Variants in ADAMTS17 observed in about 807,000 individuals in gnomAD.
ADAMTS17 encodes A disintegrin and metalloproteinase with thrombospondin motifs 17.
ADAMTS17 carries 113 observed loss-of-function variants against 141.5 expected under a neutral mutation model. That is an observed-to-expected ratio of 0.80 (90% CI 0.69 to 0.93). The LOEUF (loss-of-function observed/expected upper bound fraction) is 0.93. Among genes scored for constraint, ADAMTS17 ranks in the 40% least tolerant of loss-of-function variants. ADAMTS17 has a pLI of 0.00. For missense variants in ADAMTS17, 1,659 were observed against 1,517.9 expected (o/e 1.09, Z -1.54); for synonymous variants, 768 against 630.6 (o/e 1.22, Z -3.27).
At position 99,974,580 on chromosome 15, in the gene ADAMTS17, A is replaced by C. The variant is rs1425851594; in HGVS notation, c.3128-18T>G. On this transcript the variant is annotated intron_variant, in intron 21 of 21. Transcript: ENST00000268070. ...CAGAGCAGCTAAGGGGATAGGAGAG[A>C]GAATACCCAGGGTCAGGGATGGCCT... 1.2e-6 allele frequency: 2 copies of C among 1,614,012 alleles called. No homozygotes were observed. The highest frequency in any genetic ancestry group is 2.7e-5 in the African/African-American group (2 of 74,946).
intron 7 of ADAMTS17, among the ~76,000 whole-genome samples, chr15:100,224,427 G>T (rs1046836079): frequency 8.5e-5 from 13 of 152,126 alleles, no homozygotes; most frequent in African/African-American, 3.1e-4. Flanking sequence ...TGCAGCAGAT[G>T]TTTACAAGGG....
Position 100,319,478 on chromosome 15 carries a change from A to C in ADAMTS17, c.616+11411T>G, listed in dbSNP as rs148757450. ...GTAATCCCAGCACTTAGGGAGGCCG[A>C]CGCAAGCAGATCTCAAGGTCAGGAG... On this transcript the variant is annotated intron_variant, in intron 3 of 21. Transcript: ENST00000268070. 4.8e-3 allele frequency among the ~76,000 whole-genome samples: 735 copies of C among 152,308 alleles called. 4 individuals carry two copies. Among genetic ancestry groups the C allele is most frequent in the African/African-American group, 0.017 (701 of 41,558 alleles).
intron 3 of ADAMTS17, among the ~76,000 whole-genome samples, chr15:100,300,893 T>C (rs907325992): frequency 6.6e-6 from 1 of 152,226 alleles, no homozygotes; most frequent in Non-Finnish European, 1.5e-5. Flanking sequence ...TCCCTTAATC[T>C]AAACCACAAT....
rs1390647727 is a variant in ADAMTS17, at chr15:99,973,043, GCCT to G, written c.*1356_*1358del. 1.3e-5 allele frequency: 2 copies of G among 152,144 alleles called. No individual in the cohort carries two copies. Among genetic ancestry groups the G allele is most frequent in the Non-Finnish European group, 1.5e-5 (1 of 68,052 alleles). The allele number at this position is 152,144 out of a possible 1,614,324, so 9.4% of individuals were successfully genotyped here. A position where few individuals can be genotyped will look rare whatever the true frequency, so the allele number is the denominator to read the frequency against. On this transcript the variant is annotated 3_prime_UTR_variant, in exon 22 of 22. Coordinates refer to ENST00000268070, the MANE Select transcript of ADAMTS17 (RefSeq NM_139057.4). ...CCCACCAAGTTGGTGAGCAAAACAG[GCCT>G]CCTGGCATCTAGGGTCCCTGCCCGG...
At chr15:100,093,159 A>G (rs954037518) in intron 15 of ADAMTS17, among the ~76,000 whole-genome samples, 2 of 152,140 alleles carry the variant, frequency 1.3e-5, no homozygotes, top group African/African-American at 4.8e-5. Context: ...TAAACGCCCT[A>G]CACTCAGGAT....
chr15:99,989,491 C>T (rs963433919), intron 20 of ADAMTS17, among the ~76,000 whole-genome samples: 1 of 152,242 alleles, frequency 6.6e-6, no homozygotes, highest in Non-Finnish European at 1.5e-5. Flanking sequence ...CAATGCTACC[C>T]TGCCTGTTAC....
intron 5 of ADAMTS17, among the ~76,000 whole-genome samples, chr15:100,262,124 G>A (rs1567448813): frequency 6.6e-6 from 1 of 152,158 alleles, no homozygotes; most frequent in Non-Finnish European, 1.5e-5. Context: ...CTCCGGGAGA[G>A]GTGGATGTGT....
At chr15:100,080,560 C>A (rs74595588) in intron 15 of ADAMTS17, among the ~76,000 whole-genome samples, 3 of 151,880 alleles carry the variant, frequency 2.0e-5, no homozygotes, top group East Asian at 3.9e-4. Flanking sequence ...AGAAAAAACC[C>A]ACGTCTTGCT....
intron 15 of ADAMTS17, among the ~76,000 whole-genome samples, chr15:100,085,910 C>T (rs2035069393): frequency 6.6e-6 from 1 of 152,108 alleles, no homozygotes; most frequent in Admixed American, 6.5e-5. Context: ...TTGTAAAGAC[C>T]ATCAAGGCTA....
At chr15:100,222,956 T>C (rs1299323586) in intron 7 of ADAMTS17, among the ~76,000 whole-genome samples, 2 of 152,204 alleles carry the variant, frequency 1.3e-5, no homozygotes, top group Admixed American at 6.5e-5. Flanking sequence ...AAGGGGTGTT[T>C]CCTGGGATTT....
At chr15:100,166,228 T>C (rs966451981) in intron 8 of ADAMTS17, among the ~76,000 whole-genome samples, 5 of 152,238 alleles carry the variant, frequency 3.3e-5, no homozygotes, top group African/African-American at 1.2e-4. Flanking sequence ...ATTGTAATGA[T>C]TGCTTGTACT....
intron 15 of ADAMTS17, among the ~76,000 whole-genome samples, chr15:100,089,074 T>A (rs2140983302): frequency 6.6e-6 from 1 of 151,876 alleles, no homozygotes; most frequent in East Asian, 1.9e-4. Context: ...GAGAGAAAAT[T>A]TTTGCAATCT....
At chr15:100,019,682 A>T (rs1270037022) in intron 18 of ADAMTS17, among the ~76,000 whole-genome samples, 2 of 152,224 alleles carry the variant, frequency 1.3e-5, no homozygotes, top group East Asian at 1.9e-4. Context: ...CTCCTGATTT[A>T]AAAATGTTGG....
At chr15:100,012,686 G>A (rs567454252) in intron 18 of ADAMTS17, among the ~76,000 whole-genome samples, 1 of 152,306 alleles carries the variant, frequency 6.6e-6, no homozygotes. Context: ...TCGAAGATCA[G>A]TTGGCTGTAA....
At chr15:100,111,092 T>C (rs530771947) in intron 13 of ADAMTS17, among the ~76,000 whole-genome samples, 2 of 152,188 alleles carry the variant, frequency 1.3e-5, no homozygotes, top group Non-Finnish European at 2.9e-5. Context: ...ACTGGAGATC[T>C]GAAGCCTCCC....
intron 3 of ADAMTS17, among the ~76,000 whole-genome samples, chr15:100,315,655 A>G (rs1033749595): frequency 3.3e-5 from 5 of 152,198 alleles, no homozygotes; most frequent in African/African-American, 9.6e-5. Context: ...AGGCAACACA[A>G]TGAGACCCCT....
At chr15:100,254,612 A>G (rs1172168901) in intron 6 of ADAMTS17, among the ~76,000 whole-genome samples, 1 of 152,238 alleles carries the variant, frequency 6.6e-6, no homozygotes, top group African/African-American at 2.4e-5. Context: ...TGCTTTCACA[A>G]GAAGACAACA....
chr15:100,262,770 C>T (rs114440773), intron 4 of ADAMTS17, among the ~76,000 whole-genome samples: 4,797 of 147,704 alleles, frequency 0.032, 265 homozygotes, highest in African/African-American at 0.11. Context: ...ATAGGTTGTA[C>T]TCTTCCAGTA....
chr15:100,011,562 A>T lies in ADAMTS17; in HGVS notation c.2592-13973T>A, dbSNP rs2061182910. On this transcript the variant is annotated intron_variant, in intron 18 of 21. Transcript: ENST00000268070. ...AAATAGATTCTCTAGTTATTATACC[A>T]GCTAAGCCTTTTTCAGAGCTTCCTA... 3.3e-5 allele frequency among the ~76,000 whole-genome samples: 5 copies of T among 152,296 alleles called. No homozygotes were observed. The South Asian group carries it at 1.0e-3, about 32-fold the overall frequency.
Sources: gnomAD v4.1 joint callset for allele counts (sites outside exome capture counted in the v4.1 genomes callset) on GRCh38, gnomAD v4.1.1 for gene constraint, MANE v1.5 for transcripts, NCBI Gene and HGNC (gene_info 2026-07-23, HGNC 2026-07-21) for gene names.